DNAH12: variants seen among roughly 807,000 people sequenced by gnomAD.
DNAH12 encodes the protein axonemal beta dynein heavy chain 12.
DNAH12 carries 285 observed loss-of-function variants against 371.5 expected under a neutral mutation model. That is an observed-to-expected ratio of 0.77 (90% CI 0.70 to 0.85). The LOEUF is 0.85. Among genes scored for constraint, DNAH12 ranks in the 40% least tolerant of loss-of-function variants. The pLI, the probability that DNAH12 is intolerant of heterozygous loss-of-function variation, is 0.00. For synonymous variants in DNAH12, 1,200 were observed against 1,213.0 expected (o/e 0.99, Z 0.22); for missense variants, 3,611 against 3,689.4 (o/e 0.98, Z 0.55).
Position 57,310,738 on chromosome 3 carries a change from C to T in DNAH12, c.10875G>A (p.Glu3625=), listed in dbSNP as rs1195718884. Residue 3625 remains glutamate, a synonymous_variant, in exon 67 of 74, where the codon GAG becomes GAA. Transcript: ENST00000495027. ...TTACCTTAATGAATTCAATGTAGTCCTCATAAGTGCCTTTAGGAGGTGCAA... is the reference window on the plus strand; with the variant it reads ...TTACCTTAATGAATTCAATGTAGTCTTCATAAGTGCCTTTAGGAGGTGCAA... ...NYFAPPKGTY[E]DYIEFIKKLP... is the part of the protein sequence containing the mutation. 6.4e-7 allele frequency: 1 copy of T among 1,551,130 alleles called. No homozygotes were observed. Among genetic ancestry groups the T allele is most frequent in the South Asian group, 1.2e-5 (1 of 84,028 alleles).
At chr3:57,523,933 G>T in intron 2 of DNAH12, 49 bp from the exon 3 acceptor site, 1 of 1,324,872 alleles carries the variant, frequency 7.5e-7, no homozygotes, top group Non-Finnish European at 1.1e-6. Flanking sequence ...ATTAGCATAA[G>T]TTACTAAAAC....
intron 69 of DNAH12, 111 bp downstream of exon 69, chr3:57,309,040 T>C (rs991201774): frequency 8.1e-6 from 6 of 740,010 alleles, no homozygotes; most frequent in East Asian, 2.9e-5. Flanking sequence ...CATTCTCTCT[T>C]CATACCACCC....
At chr3:57,303,558 C>T (rs954321310) in intron 69 of DNAH12, among the ~76,000 whole-genome samples, 27 of 151,734 alleles carry the variant, frequency 1.8e-4, no homozygotes, top group Non-Finnish European at 3.5e-4. Flanking sequence ...ACTACAGGTG[C>T]CCGCTACCAC....
intron 56 of DNAH12, among the ~76,000 whole-genome samples, chr3:57,367,500 A>G (rs1255001207): frequency 1.3e-5 from 2 of 152,338 alleles, no homozygotes; most frequent in Non-Finnish European, 2.9e-5. Flanking sequence ...TCAATTTTCA[A>G]TCATGATTCT....
intron 55 of DNAH12, among the ~76,000 whole-genome samples, chr3:57,373,548 A>G (rs2063221569): frequency 6.7e-6 from 1 of 149,846 alleles, no homozygotes; most frequent in Non-Finnish European, 1.5e-5. Context: ...CTGGTCTTGA[A>G]CTCCCGACCT....
chr3:57,479,184 G>T (rs553980913), intron 13 of DNAH12, among the ~76,000 whole-genome samples: 16 of 152,016 alleles, frequency 1.1e-4, no homozygotes, highest in African/African-American at 3.9e-4. Flanking sequence ...CCCATCTCAC[G>T]TGCAGAGACA....
At chr3:57,480,826 T>C (rs1205802890) in intron 13 of DNAH12, among the ~76,000 whole-genome samples, 2 of 152,204 alleles carry the variant, frequency 1.3e-5, no homozygotes, top group South Asian at 2.1e-4. Flanking sequence ...AACCATATGA[T>C]TATCTCAATA....
At chr3:57,498,947 C>T (rs371052999) in intron 11 of DNAH12, among the ~76,000 whole-genome samples, 8 of 151,802 alleles carry the variant, frequency 5.3e-5, no homozygotes, top group African/African-American at 9.7e-5. Context: ...TGCAGTGAGC[C>T]GAGATTGCAC....
chr3:57,368,673 G>A (rs2063103032), intron 55 of DNAH12, among the ~76,000 whole-genome samples: 2 of 152,116 alleles, frequency 1.3e-5, no homozygotes, highest in Admixed American at 1.3e-4. Context: ...AGATCCACTA[G>A]CATAAAAGGG....
intron 32 of DNAH12, among the ~76,000 whole-genome samples, chr3:57,432,369 A>G (rs1250814053): frequency 1.3e-5 from 2 of 149,176 alleles, no homozygotes; most frequent in African/African-American, 4.9e-5. Flanking sequence ...TAGTAGAGAC[A>G]GGGTTTCACC....
At chr3:57,356,817 G>A (rs1469866545) in intron 59 of DNAH12, among the ~76,000 whole-genome samples, 1 of 151,984 alleles carries the variant, frequency 6.6e-6, no homozygotes, top group Non-Finnish European at 1.5e-5. Flanking sequence ...TCGACTCACT[G>A]CAACATCCAC....
intron 36 of DNAH12, 50 bp from the exon 37 acceptor site, chr3:57,419,568 T>C: frequency 7.7e-7 from 1 of 1,298,678 alleles, no homozygotes; most frequent in South Asian, 2.1e-5. Context: ...ACTTGCTGTA[T>C]CTGAAAGGCT....
At chr3:57,516,251 A>G (rs1222217263) in intron 4 of DNAH12, among the ~76,000 whole-genome samples, 3 of 150,572 alleles carry the variant, frequency 2.0e-5, no homozygotes, top group African/African-American at 4.9e-5. Flanking sequence ...TTTAGTAGAG[A>G]TGGGGTTTCA....
At chr3:57,314,220 T>C (rs2061639678) in intron 66 of DNAH12, among the ~76,000 whole-genome samples, 1 of 152,152 alleles carries the variant, frequency 6.6e-6, no homozygotes, top group Admixed American at 6.5e-5. Context: ...CACTGTGATG[T>C]TGCCGAATCA....
intron 25 of DNAH12, among the ~76,000 whole-genome samples, chr3:57,448,121 T>C (rs1038914452): frequency 6.6e-6 from 1 of 152,204 alleles, no homozygotes; most frequent in Non-Finnish European, 1.5e-5. Context: ...CTAGTGTGTC[T>C]GGAATTGGTG....
At chr3:57,503,133 G>A (rs963491701) in intron 9 of DNAH12, among the ~76,000 whole-genome samples, 1 of 152,160 alleles carries the variant, frequency 6.6e-6, no homozygotes, top group African/African-American at 2.4e-5. Flanking sequence ...CATGCCTATT[G>A]TCCCAGCTAC....
chr3:57,411,481 C>T (rs1048826951), intron 39 of DNAH12, among the ~76,000 whole-genome samples: 26 of 122,680 alleles, frequency 2.1e-4, no homozygotes, highest in African/African-American at 7.6e-4. Context: ...GAGCCAAGAT[C>T]ATGCCACTGC....
chr3:57,404,533 T>C (rs2063966337), intron 42 of DNAH12, among the ~76,000 whole-genome samples: 1 of 151,966 alleles, frequency 6.6e-6, no homozygotes, highest in Non-Finnish European at 1.5e-5. Flanking sequence ...CTGGCCAGTA[T>C]GGTGAAACCC....
intron 11 of DNAH12, among the ~76,000 whole-genome samples, chr3:57,496,972 A>C (rs1390275497): frequency 6.6e-6 from 1 of 152,188 alleles, no homozygotes; most frequent in Non-Finnish European, 1.5e-5. Context: ...TCTGTCTCAA[A>C]AAAAAAAAAT....
Sources: allele counts gnomAD v4.1 joint callset (sites outside exome capture counted in the v4.1 genomes callset), GRCh38; gene constraint gnomAD v4.1.1; transcripts MANE v1.5; gene names NCBI Gene and HGNC (gene_info 2026-07-23, HGNC 2026-07-21).